Variants in TSHZ2 observed in about 807,000 individuals in gnomAD.
The protein encoded by TSHZ2 is teashirt homolog 2.
A neutral mutation model predicts 74.4 loss-of-function variants in TSHZ2; 21 were observed. The observed-to-expected ratio is 0.28, with a 90% CI of 0.20 to 0.41. TSHZ2 has a LOEUF of 0.41. Ranked by LOEUF, TSHZ2 falls within the 10% of genes least tolerant of loss-of-function variation. The pLI is 1.00. For missense variants in TSHZ2, 1,244 were observed against 1,293.5 expected, an observed-to-expected ratio of 0.96 and a Z score of 0.59; for synonymous variants, 540 against 515.3, an observed-to-expected ratio of 1.05 and a Z score of -0.65.
At chr20:53,454,979 C>G (rs1180830386) in intron 2 of TSHZ2, among the ~76,000 whole-genome samples, 1 of 152,154 alleles carries the variant, frequency 6.6e-6, no homozygotes, top group East Asian at 1.9e-4. Flanking sequence ...TTACCACTCC[C>G]TAATTCCTGT....
At position 53,235,069 on chromosome 20, in the gene TSHZ2, C is replaced by T. The variant is rs1989910038; in HGVS notation, c.41-18430C>T. On this transcript the variant is annotated intron_variant, in intron 1 of 2. Transcript: ENST00000371497. The stretch of plus-strand genomic sequence containing the variant: ...GAGCGCACCTCGTCACTTAATGTCT[C>T]ATTGCAGAAAGTTGAGGTGGAAGAT... 2.3e-5 allele frequency among the ~76,000 whole-genome samples: 3 copies of T among 132,178 alleles called. No homozygotes were observed. In the Admixed American group the frequency reaches 2.9e-4, roughly 13 times the overall value. The allele number at this position is 132,178 out of a possible 152,430, so 86.7% of individuals were successfully genotyped here. A position where few individuals can be genotyped will look rare whatever the true frequency, so the allele number is the denominator to read the frequency against.
At chr20:53,147,521 A>G (rs1383141298) in intron 1 of TSHZ2, among the ~76,000 whole-genome samples, 1 of 152,216 alleles carries the variant, frequency 6.6e-6, no homozygotes, top group Admixed American at 6.5e-5. Context: ...CTAATTCAAT[A>G]TTTTTCAAAG....
chr20:53,315,918 G>T (rs1307470014), intron 2 of TSHZ2, among the ~76,000 whole-genome samples: 1 of 152,128 alleles, frequency 6.6e-6, no homozygotes, highest in Non-Finnish European at 1.5e-5. Context: ...CTCTGGAGGT[G>T]GGTGGGTGTT....
intron 1 of TSHZ2, chr20:53,179,681 G>A (rs930381651): frequency 6.6e-6 from 1 of 152,234 alleles, no homozygotes; most frequent in Non-Finnish European, 1.5e-5. Context: ...CATTGTCCAG[G>A]CGGCCTTGCC....
At chr20:53,280,094 G>A (rs567722481) in intron 2 of TSHZ2, among the ~76,000 whole-genome samples, 1 of 152,294 alleles carries the variant, frequency 6.6e-6, no homozygotes, top group East Asian at 1.9e-4. Flanking sequence ...GACCCAATGG[G>A]CATTTTTGAA....
chr20:53,437,189 C>T (rs1228611392), intron 2 of TSHZ2, among the ~76,000 whole-genome samples: 1 of 152,118 alleles, frequency 6.6e-6, no homozygotes. Context: ...AAAATCCACT[C>T]AGGCCAGGCA....
intron 1 of TSHZ2, among the ~76,000 whole-genome samples, chr20:53,210,903 T>G (rs952788762): frequency 1.6e-4 from 25 of 152,238 alleles, no homozygotes; most frequent in African/African-American, 6.0e-4. Context: ...TTTATGAGAT[T>G]GGGTTCCTAC....
At chr20:53,138,827 C>G (rs917036177) in intron 1 of TSHZ2, among the ~76,000 whole-genome samples, 8 of 152,202 alleles carry the variant, frequency 5.3e-5, no homozygotes, top group African/African-American at 1.9e-4. Context: ...AGGAATCCCA[C>G]AGGGCTGTGC....
chr20:53,057,413 GAC>G (rs1202794502), intron 1 of TSHZ2, among the ~76,000 whole-genome samples: 7 of 149,656 alleles, frequency 4.7e-5, no homozygotes, highest in African/African-American at 1.7e-4. Flanking sequence ...AAATTTCCCA[GAC>G]GCCCTACAAC....
intron 2 of TSHZ2, among the ~76,000 whole-genome samples, chr20:53,295,210 T>C (rs538687653): frequency 2.6e-5 from 4 of 152,334 alleles, no homozygotes; most frequent in African/African-American, 9.6e-5. Context: ...CCAGACCTCC[T>C]GGTTGCAGGA....
At chr20:53,458,983 G>GT (rs1216065887) in intron 2 of TSHZ2, among the ~76,000 whole-genome samples, 1 of 152,082 alleles carries the variant, frequency 6.6e-6, no homozygotes, top group Non-Finnish European at 1.5e-5. Context: ...TTACTTCCAA[G>GT]TATGTGGTCA....
chr20:53,051,984 A>G (rs964333850), intron 1 of TSHZ2, among the ~76,000 whole-genome samples: 7 of 79,418 alleles, frequency 8.8e-5, no homozygotes, highest in Admixed American at 5.2e-4. Context: ...GTGTATTAAG[A>G]TACACATAAC....
chr20:53,428,359 T>C (rs1983726890), intron 2 of TSHZ2, among the ~76,000 whole-genome samples: 1 of 152,172 alleles, frequency 6.6e-6, no homozygotes, highest in South Asian at 2.1e-4. Flanking sequence ...TTATTATAGC[T>C]CTCTGTAGAA....
intron 1 of TSHZ2, among the ~76,000 whole-genome samples, chr20:52,997,395 G>A (rs549211667): frequency 1.5e-4 from 23 of 152,140 alleles, no homozygotes; most frequent in South Asian, 1.0e-3. Flanking sequence ...GGGTCTGCTC[G>A]GACATCAACA....
chr20:53,330,039 C>T lies in TSHZ2; in HGVS notation c.*8+73468C>T, dbSNP rs545300679. 2.6e-4 allele frequency among the ~76,000 whole-genome samples: 39 copies of T among 152,298 alleles called. No individual in the cohort carries two copies. In the East Asian group the frequency reaches 6.0e-3, roughly 23 times the overall value. On this transcript the variant is annotated intron_variant, in intron 2 of 2. Coordinates refer to ENST00000371497, the MANE Select transcript of TSHZ2 (RefSeq NM_173485.6). Reference sequence around the variant, plus strand: ...TACATGTTATCTATGGCTAATTTCACGATACAATGGCAGAGTTACAGAGAC... The same window carrying T: ...TACATGTTATCTATGGCTAATTTCATGATACAATGGCAGAGTTACAGAGAC...
intron 1 of TSHZ2, among the ~76,000 whole-genome samples, chr20:53,167,437 G>A (rs1213940711): frequency 1.3e-5 from 2 of 152,164 alleles, no homozygotes; most frequent in Non-Finnish European, 2.9e-5. Flanking sequence ...TAGGAAGCAG[G>A]GAAGTCAGGC....
chr20:53,167,468 C>T (rs936184293), intron 1 of TSHZ2, among the ~76,000 whole-genome samples: 2 of 152,142 alleles, frequency 1.3e-5, no homozygotes, highest in African/African-American at 4.8e-5. Flanking sequence ...TGTTTGACCC[C>T]ATCACTCATT....
At chr20:53,251,794 G>T (rs1473393759) in intron 1 of TSHZ2, among the ~76,000 whole-genome samples, 1 of 152,160 alleles carries the variant, frequency 6.6e-6, no homozygotes, top group South Asian at 2.1e-4. Flanking sequence ...CCTGTGATGT[G>T]GTTATCTATT....
chr20:53,382,058 G>T (rs1981878936), intron 2 of TSHZ2, among the ~76,000 whole-genome samples: 1 of 152,148 alleles, frequency 6.6e-6, no homozygotes, highest in Non-Finnish European at 1.5e-5. Flanking sequence ...AGCTCTGAGG[G>T]CTTCCCAGTG....
Sources: allele counts gnomAD v4.1 joint callset (sites outside exome capture counted in the v4.1 genomes callset), GRCh38; gene constraint gnomAD v4.1.1; transcripts MANE v1.5; gene names NCBI Gene and HGNC (gene_info 2026-07-23, HGNC 2026-07-21).